The following ZAN variants were observed in gnomAD, a reference collection of about 807,000 sequenced individuals.
ZAN encodes the protein zonadhesin, also known as zonadhesin (gene/pseudogene).
A neutral mutation model predicts 286.2 loss-of-function variants in ZAN; 260 were observed. The ratio of observed to expected loss-of-function variants is 0.91; its 90% CI spans 0.82 to 1.01. The LOEUF (loss-of-function observed/expected upper bound fraction) is 1.01. ZAN is among the 50% of genes least tolerant of loss of function. The probability of loss-of-function intolerance (pLI) is 0.00; values close to 1 mark genes in which losing one functional copy is unlikely to be tolerated. For missense variants in ZAN, 3,410 were observed against 3,639.2 expected (o/e 0.94, Z 1.62); for synonymous variants, 1,368 against 1,417.5 (o/e 0.97, Z 0.79).
chr7:100,775,316 CTG>C lies in ZAN; in HGVS notation c.5780-10_5780-9del. ...GGAGCGTCATAGCCCAGCTGTCTCT[CTG>C]TCCTCCCAGGTGTGGGAGTGTGTCA... On this transcript the variant is annotated splice_polypyrimidine_tract_variant and intron_variant, in intron 31 of 47. Transcript: ENST00000613979. 1 of 1,611,594 alleles carries C rather than the reference CTG, an allele frequency of 6.2e-7. No individual in the cohort carries two copies. The highest frequency in any genetic ancestry group is 1.1e-5 in the South Asian group (1 of 90,612).
At position 100,748,846 on chromosome 7, in the gene ZAN, T is replaced by C. The variant is rs535814449; in HGVS notation, c.1249+376T>C. ...GAGTCTGAGCTCAGCCTGGGCAACA[T>C]AGTGAGAACCCCATCTCTAGAAAAA... On this transcript the variant is annotated intron_variant, in intron 11 of 47. Transcript: ENST00000613979. Among the ~76,000 whole-genome samples the C allele has an allele frequency of 1.9e-4, 28 of 150,676 alleles. 1 individual carries two copies. The South Asian group carries it at 5.7e-3, about 31-fold the overall frequency.
Position 100,736,897 on chromosome 7 carries a change from C to G in ZAN, c.342C>G (p.Pro114=). The change falls in exon 5 of 48, where the codon CCC becomes CCG. Residue 114 remains proline (P), a synonymous_variant. Transcript: ENST00000613979. ...LLSPDLWEQG[P]LCVHFAHHMF... is the part of the protein sequence containing the mutation. ...GCCCCGACCTATGGGAGCAAGGCCCCCTCTGTGTGCACTTTGCCCACCACA... is the reference window on the plus strand; with the variant it reads ...GCCCCGACCTATGGGAGCAAGGCCCGCTCTGTGTGCACTTTGCCCACCACA... 2 of 1,489,908 alleles carry G rather than the reference C, an allele frequency of 1.3e-6. No homozygotes were observed. The highest frequency in any genetic ancestry group is 2.4e-5 in the South Asian group (2 of 84,858). 92.3% of individuals were successfully genotyped at this position (1,489,908 alleles called of 1,614,324 possible). A position where few individuals can be genotyped will look rare whatever the true frequency, so the allele number is the denominator to read the frequency against.
intron 11 of ZAN, among the ~76,000 whole-genome samples, chr7:100,750,349 A>C (rs1584562992): frequency 6.6e-6 from 1 of 152,098 alleles, no homozygotes; most frequent in East Asian, 2.0e-4. Context: ...GTTGGCCAGG[A>C]TGGCCTTGAT....
chr7:100,736,912 T>C lies in ZAN; in HGVS notation c.357T>C (p.Phe119=), dbSNP rs1807342122. 2 of 1,494,564 alleles carry C rather than the reference T, an allele frequency of 1.3e-6. No homozygotes were observed. The highest frequency in any genetic ancestry group is 4.7e-5 in the East Asian group (2 of 42,662). 92.6% of individuals were successfully genotyped at this position (1,494,564 alleles called of 1,614,324 possible). Residue 119 remains phenylalanine, a synonymous_variant, in exon 5 of 48, where the codon TTT becomes TTC. Transcript: ENST00000613979. ...AGCAAGGCCCCCTCTGTGTGCACTT[T>C]GCCCACCACATGTTCGGGCTGTCTT... ...LWEQGPLCVH[F]AHHMFGLSWG...
At position 100,775,701 on chromosome 7, in the gene ZAN, CTCCCAGA is replaced by C. The variant is rs1385173649; in HGVS notation, c.6065_6071del (p.Gln2022LeufsTer30). The C allele has an allele frequency of 1.6e-5, 26 of 1,613,868 alleles. No homozygotes were observed. In the Admixed American group the frequency reaches 4.3e-4, roughly 27 times the overall value. The stretch of plus-strand genomic sequence containing the variant: ...GCAAACAGGTCACCCTCCCCGCCAT[CTCCCAGA>C]TCCCTGGGGTCAGTGTCAAGTCCAG... On this transcript the variant is annotated frameshift_variant, in exon 33 of 48. Transcript: ENST00000613979. LOFTEE classifies it high-confidence loss of function.
rs1245930104 is a variant in ZAN, at chr7:100,763,925, GAGGGCAGGC to G, written c.4097+14_4097+22del. The stretch of plus-strand genomic sequence containing the variant: ...ACTCATGGCCCATTTGAGTATGAAG[GAGGGCAGGC>G]AGGGTCGCACAGGGGCGATGCTTGG... On this transcript the variant is annotated intron_variant, in intron 21 of 47. Transcript: ENST00000613979. This position sits in a 1 kb window ranked among gnomAD's most constrained non-coding sequence, Gnocchi z 4.6. 3.7e-6 allele frequency: 6 copies of G among 1,613,394 alleles called. No homozygotes were observed. The East Asian group carries it at 1.3e-4, about 36-fold the overall frequency.
rs1811914586 is a variant in ZAN at position 100,791,026 on chromosome 7, T to C, written c.7442T>C (p.Leu2481Pro). The C allele has an allele frequency of 3.1e-6, 5 of 1,613,010 alleles. No individual in the cohort carries two copies. The highest frequency in any genetic ancestry group is 1.3e-5 in the African/African-American group (1 of 75,016). ...YDKNRKNDMM[L>P]PSGALTQNLN... The stretch of plus-strand genomic sequence containing the variant: ...AAGAACCGCAAGAATGACATGATGC[T>C]GCCCAGTGGCGCCCTGACCCAGAAC... Residue 2481 changes from leucine to proline, a missense_variant, in exon 40 of 48, where the codon CTG (leucine) becomes CCG (proline). Physicochemically the swap from Leu to Pro is moderately conservative, Grantham distance 98 (BLOSUM62 -3). Around this residue, in one of 7 missense-constraint regions of ZAN, gnomAD observed 1,289 missense variants for 1,314.3 expected, o/e 0.98. Transcript: ENST00000613979.
intron 8 of ZAN, 94 bp downstream of exon 8, chr7:100,746,796 G>T: frequency 7.0e-7 from 1 of 1,434,632 alleles, no homozygotes; most frequent in South Asian, 1.3e-5. Context: ...TCAGGGTCTA[G>T]GGAGGTCTGG....
rs1224511603 is a variant in ZAN, at chr7:100,753,066, A to G, written c.2961A>G (p.Thr987=). 3.1e-6 allele frequency: 5 copies of G among 1,613,518 alleles called. No homozygotes were observed. Among genetic ancestry groups the G allele is most frequent in the East Asian group, 2.2e-5 (1 of 44,886 alleles). ...TIPTEKPTIP[T]EKPTIPTEKL... is the part of the protein sequence containing the mutation. ...CCACGGAAAAACCCACCATCCCCACAGAAAAACCCACCATTCCCACAGAGA... is the reference window on the plus strand; with the variant it reads ...CCACGGAAAAACCCACCATCCCCACGGAAAAACCCACCATTCCCACAGAGA... Residue 987 remains threonine (T), a synonymous_variant, in exon 14 of 48, where the codon ACA becomes ACG. Transcript: ENST00000613979.
chr7:100,774,005 G>C (rs910049894), intron 31 of ZAN, 140 bp downstream of exon 31: 53 of 1,290,924 alleles, frequency 4.1e-5, no homozygotes, highest in Non-Finnish European at 5.3e-5. Context: ...CTTCTGGTGG[G>C]TAAGATGACC....
intron 3 of ZAN, 106 bp from the exon 4 acceptor site, chr7:100,736,377 G>A: frequency 7.9e-7 from 1 of 1,273,142 alleles, no homozygotes; most frequent in Non-Finnish European, 1.1e-6. Flanking sequence ...CTGATTTCAT[G>A]GCAGCTTTCT....
rs1054522808 is a variant in ZAN at position 100,746,523 on chromosome 7, C to A, written c.767-15C>A. The A allele has an allele frequency of 3.1e-6, 5 of 1,613,554 alleles. No homozygotes were observed. Among genetic ancestry groups the A allele is most frequent in the South Asian group, 1.1e-5 (1 of 91,044 alleles). On this transcript the variant is annotated splice_polypyrimidine_tract_variant and intron_variant, in intron 7 of 47. Coordinates refer to ENST00000613979, the MANE Select transcript of ZAN (RefSeq NM_003386.3). ...AATTCCATCCACCCCAGTTCCCTGGCCTTTTGCTTCACAGGTGGCTGCTAC... is the reference window on the plus strand; with the variant it reads ...AATTCCATCCACCCCAGTTCCCTGGACTTTTGCTTCACAGGTGGCTGCTAC...
intron 42 of ZAN, among the ~76,000 whole-genome samples, chr7:100,793,371 A>T (rs2116343851): frequency 6.6e-6 from 1 of 152,108 alleles, no homozygotes; most frequent in South Asian, 2.1e-4. Context: ...AAAAAATAAA[A>T]AAAAGACCCT....
At chr7:100,737,401 C>G (rs903506386) in intron 6 of ZAN, 52 bp downstream of exon 6, 2 of 1,236,026 alleles carry the variant, frequency 1.6e-6, no homozygotes, top group Admixed American at 5.2e-5. Flanking sequence ...TCTCTCCGTC[C>G]TTGCACAACA....
chr7:100,783,020 C>T (rs1380175457), intron 35 of ZAN, among the ~76,000 whole-genome samples: 1 of 152,198 alleles, frequency 6.6e-6, no homozygotes, highest in Non-Finnish European at 1.5e-5. Flanking sequence ...GTAATCCCAG[C>T]ACTTTGGGAG....
chr7:100,788,089 A>G lies in ZAN; in HGVS notation c.7180A>G (p.Thr2394Ala), dbSNP rs769893469. The G allele has an allele frequency of 1.3e-6, 2 of 1,574,254 alleles. No homozygotes were observed. Among genetic ancestry groups the G allele is most frequent in the Admixed American group, 1.7e-5 (1 of 57,560 alleles). Residue 2394 changes from threonine to alanine, a missense_variant, in exon 38 of 48, where the codon ACC (threonine) becomes GCC (alanine). Around this residue, in one of 7 missense-constraint regions of ZAN, gnomAD observed 1,289 missense variants for 1,314.3 expected, o/e 0.98. Transcript: ENST00000613979. ...CATCTTCTTGCAGGAAGTGATTACC[A>G]CCGTCTACGGCTATAAAGTGCAGCT... ...SSIFLQEVIT[T>A]VYGYKVQLQA...
Position 100,784,761 on chromosome 7 carries a change from A to G in ZAN, c.6761A>G (p.Tyr2254Cys). ...GAGGGCTGCATTTGTCAGCCCGGCT[A>G]TGTGCTGAGTGAAGACAAGTGTGTC... ...CAEGCICQPG[Y>C]VLSEDKCVPR... Residue 2254 changes from tyrosine (Y) to cysteine (C), a missense_variant, in exon 36 of 48, where the codon TAT (tyrosine) becomes TGT (cysteine). By Grantham distance (194) the Tyr-to-Cys change is radical. This residue lies in a region of ZAN where 1,289 missense variants were observed against 1,314.3 expected (regional missense o/e 0.98). Coordinates refer to ENST00000613979, the MANE Select transcript of ZAN (RefSeq NM_003386.3). 1 of 1,613,888 alleles carries G rather than the reference A, an allele frequency of 6.2e-7. No homozygotes were observed. The highest frequency in any genetic ancestry group is 8.5e-7 in the Non-Finnish European group (1 of 1,179,862).
Position 100,762,375 on chromosome 7 carries a change from C to T in ZAN, c.3986+17C>T. 6.3e-7 allele frequency: 1 copy of T among 1,593,846 alleles called. No homozygotes were observed. Among genetic ancestry groups the T allele is most frequent in the Non-Finnish European group, 8.6e-7 (1 of 1,169,064 alleles). Reference sequence around the variant, plus strand: ...GGACCAGGAGTGAGCAAGGAGCCCTCCCACCGGGGCCCTGGGAAGGTTCCG... The same window carrying T: ...GGACCAGGAGTGAGCAAGGAGCCCTTCCACCGGGGCCCTGGGAAGGTTCCG... On this transcript the variant is annotated intron_variant, in intron 20 of 47. Coordinates refer to ENST00000613979, the MANE Select transcript of ZAN (RefSeq NM_003386.3).
chr7:100,748,816 C>A lies in ZAN; in HGVS notation c.1249+346C>A, dbSNP rs1207043101. ...GGCCGAGACGGGAAGATTGCTTGAG[C>A]CCAGGAGTCTGAGCTCAGCCTGGGC... On this transcript the variant is annotated intron_variant, in intron 11 of 47. Coordinates refer to ENST00000613979, the MANE Select transcript of ZAN (RefSeq NM_003386.3). Among the ~76,000 whole-genome samples, 6 of 151,742 alleles carry A rather than the reference C, an allele frequency of 4.0e-5. No homozygotes were observed. The East Asian group carries it at 1.2e-3, about 29-fold the overall frequency.
Sources: gnomAD v4.1 joint callset for allele counts (sites outside exome capture counted in the v4.1 genomes callset) on GRCh38, gnomAD v4.1.1 for gene constraint, gnomAD v4.1.1 regional missense constraint, Gnocchi (gnomAD v3.1) non-coding constraint, MANE v1.5 for transcripts, NCBI Gene and HGNC (gene_info 2026-07-23, HGNC 2026-07-21) for gene names.